The following MID1 variants were observed in gnomAD, a reference collection of about 807,000 sequenced individuals.
MID1 encodes midline 1.
MID1 carries 7 observed loss-of-function variants against 40.4 expected under a neutral mutation model. The ratio of observed to expected loss-of-function variants is 0.17; its 90% CI spans 0.10 to 0.33. The LOEUF is 0.33. MID1 is among the 10% of genes least tolerant of loss of function. The pLI is 1.00. For missense variants in MID1, 367 were observed against 558.5 expected (o/e 0.66, Z 3.46); for synonymous variants, 229 against 221.2 (o/e 1.04, Z -0.31).
In MID1 at chrX:10,758,189, C is replaced by T. The variant is rs988208612; in HGVS notation, c.-187+75365G>A. Among the ~76,000 whole-genome samples, 4 of 104,510 alleles carry T rather than the reference C, an allele frequency of 3.8e-5. 1 individual carries two copies. The highest frequency in any genetic ancestry group is 3.2e-4 in the Admixed American group (3 of 9,518). The allele number at this position is 104,510 out of a possible 115,157, so 90.8% of individuals were successfully genotyped here. ...GGGGTTTTGCCATGTTGCCCAGGCT[C>T]GTCTGGAACTCCTGAGCTCAAGCAA... On this transcript the variant is annotated intron_variant, in intron 1 of 10. Coordinates refer to the MID1 transcript ENST00000380785.
At chrX:10,620,704 T>C (rs988917067), upstream of MID1, 1 of 112,174 alleles carries the variant, frequency 8.9e-6, no homozygotes, top group African/African-American at 3.2e-5. Context: ...CTTTCGGGAT[T>C]CAAATGACTG....
intron 6 of MID1, among the ~76,000 whole-genome samples, chrX:10,474,277 AT>A (rs1050483613): frequency 8.9e-6 from 1 of 111,912 alleles, no homozygotes; most frequent in African/African-American, 3.3e-5. Flanking sequence ...TTAGCTGCCA[AT>A]TTTTTCTCTG....
chrX:10,467,214 T>G (rs1445367266), intron 7 of MID1, among the ~76,000 whole-genome samples: 1 of 112,167 alleles, frequency 8.9e-6, no homozygotes, highest in East Asian at 2.8e-4. Context: ...TAATATTTAT[T>G]GAAAAAAACA....
At chrX:10,533,327 G>GGAAA (rs35811442) in intron 2 of MID1, among the ~76,000 whole-genome samples, 11,940 of 47,769 alleles carry the variant, frequency 0.25, 1,789 homozygotes, top group Non-Finnish European at 0.27. Context: ...AAGAAAGAAA[G>GGAAA]GAAAGAAAGA....
intron 1 of MID1, among the ~76,000 whole-genome samples, chrX:10,781,031 C>T (rs150378601): frequency 1.1e-3 from 118 of 111,798 alleles, no homozygotes; most frequent in African/African-American, 3.6e-3. Flanking sequence ...AGGCCATGGA[C>T]CAGTACCGGA....
chrX:10,681,703 G>A (rs2043061888), intron 1 of MID1, among the ~76,000 whole-genome samples: 1 of 111,639 alleles, frequency 9.0e-6, no homozygotes, highest in Non-Finnish European at 1.9e-5. Context: ...TCTTGGTGGG[G>A]CATGGTGAGG....
At chrX:10,638,230 A>G (rs1168691547) in intron 1 of MID1, among the ~76,000 whole-genome samples, 1 of 111,902 alleles carries the variant, frequency 8.9e-6, no homozygotes, top group Non-Finnish European at 1.9e-5. Context: ...GGGAAGCACA[A>G]GGGGTTGGGG....
chrX:10,589,096 C>T (rs890565351), intron 1 of MID1, among the ~76,000 whole-genome samples: 1 of 111,883 alleles, frequency 8.9e-6, no homozygotes, highest in Non-Finnish European at 1.9e-5. Context: ...AAAAAGGGCA[C>T]ACACACACTT....
chrX:10,744,175 A>G (rs1387643657), intron 1 of MID1, among the ~76,000 whole-genome samples: 1 of 111,681 alleles, frequency 9.0e-6, no homozygotes, highest in East Asian at 2.8e-4. Context: ...AGCAGGGGCC[A>G]CTGCTGTGGG....
chrX:10,565,522 C>T, intron 2 of MID1: 1 of 330,003 alleles, frequency 3.0e-6, no homozygotes, highest in Non-Finnish European at 5.9e-6. Context: ...AGTGATAACA[C>T]TCTTTTGATC....
rs763848458 is a variant in MID1, at chrX:10,739,859, CT to C, written c.-187+93694del. Among the ~76,000 whole-genome samples the C allele has an allele frequency of 2.4e-4, 27 of 112,317 alleles. 1 individual carries two copies. The highest frequency in any genetic ancestry group is 3.8e-4 in the Admixed American group (4 of 10,613). On this transcript the variant is annotated intron_variant, in intron 1 of 10. Coordinates refer to the MID1 transcript ENST00000380785. ...CCCCCTTCTCCAAAATGTAGACTCT[CT>C]TTTGTGAGCATGTAGCCACAACATT...
chrX:10,451,370 G>A (rs1209493990), intron 9 of MID1, among the ~76,000 whole-genome samples: 1 of 111,363 alleles, frequency 9.0e-6, no homozygotes, highest in Non-Finnish European at 1.9e-5. Context: ...GCTTCTAGAT[G>A]AGCGCCTGAG....
intron 1 of MID1, among the ~76,000 whole-genome samples, chrX:10,692,826 A>T (rs1456253740): frequency 4.5e-5 from 5 of 111,635 alleles, no homozygotes; most frequent in Non-Finnish European, 9.4e-5. Flanking sequence ...CAGGCATCTT[A>T]TGGTGGTTTT....
rs765613461 is a variant in MID1, at chrX:10,506,345, TGCC to T, written c.757-10657_757-10655del. The T allele has an allele frequency of 2.1e-4, 230 of 1,089,781 alleles. No homozygotes were observed. In the African/African-American group the frequency reaches 3.9e-3, roughly 19 times the overall value. 89.8% of individuals were successfully genotyped at this position (1,089,781 alleles called of 1,213,427 possible). A position where few individuals can be genotyped will look rare whatever the true frequency, so the allele number is the denominator to read the frequency against. ...AGACAAGAATGGATGGTCAAATTGTTGCCAGAAAACACCAGTACTGGGTAGGAA... is the reference window on the plus strand; with the variant it reads ...AGACAAGAATGGATGGTCAAATTGTTAGAAAACACCAGTACTGGGTAGGAA... On this transcript the variant is annotated intron_variant, in intron 3 of 9. Coordinates refer to ENST00000317552, the MANE Select transcript of MID1 (RefSeq NM_000381.4).
At chrX:10,585,322 G>C (rs1456958968) in intron 1 of MID1, among the ~76,000 whole-genome samples, 1 of 111,595 alleles carries the variant, frequency 9.0e-6, no homozygotes, top group African/African-American at 3.3e-5. Flanking sequence ...ATTAGTGGGA[G>C]TTCTCACTCT....
At chrX:10,461,656 A>T (rs901248353) in intron 7 of MID1, among the ~76,000 whole-genome samples, 4 of 111,804 alleles carry the variant, frequency 3.6e-5, no homozygotes, top group Non-Finnish European at 7.5e-5. Flanking sequence ...TAGGTACTTA[A>T]TATTATTACA....
intron 4 of MID1, among the ~76,000 whole-genome samples, chrX:10,486,364 A>G (rs1202593450): frequency 1.8e-5 from 2 of 112,019 alleles, no homozygotes; most frequent in African/African-American, 6.5e-5. Context: ...ATTGCTTGTC[A>G]GAAGGCCCCA....
intron 3 of MID1, among the ~76,000 whole-genome samples, chrX:10,501,076 C>T (rs960220790): frequency 3.6e-5 from 4 of 111,668 alleles, no homozygotes; most frequent in Non-Finnish European, 5.6e-5. Flanking sequence ...TTTGGGAGGC[C>T]GAGGCAGGCG....
At chrX:10,692,082 A>G (rs1435092900) in intron 1 of MID1, among the ~76,000 whole-genome samples, 1 of 111,914 alleles carries the variant, frequency 8.9e-6, no homozygotes. Context: ...TTATCAAGAC[A>G]ATGTGTGCAC....
Sources: allele counts gnomAD v4.1 joint callset (sites outside exome capture counted in the v4.1 genomes callset), GRCh38; gene constraint gnomAD v4.1.1; transcripts MANE v1.5; gene names NCBI Gene and HGNC (gene_info 2026-07-23, HGNC 2026-07-21).